Variants in SAMMSON observed in about 807,000 individuals in gnomAD.
SAMMSON encodes the protein survival associated mitochondrial melanoma specific oncogenic non-coding RNA.
intron 6 of SAMMSON, among the ~76,000 whole-genome samples, chr3:70,258,691 G>T (rs1268912800): frequency 6.6e-6 from 1 of 152,106 alleles, no homozygotes; most frequent in African/African-American, 2.4e-5. Context: ...AAAGCTTTAT[G>T]TATAAGAATG....
rs1215756574 is a variant in SAMMSON, at chr3:70,213,191, T to A, written n.508-35916T>A. Among the ~76,000 whole-genome samples the A allele has an allele frequency of 3.9e-5, 6 of 152,076 alleles. No homozygotes were observed. The East Asian group carries it at 1.2e-3, about 29-fold the overall frequency. Reference sequence around the variant, plus strand: ...TTCTTGATATGTTCCCAGGCTGGACTAGAGCTCCTGGGCTCAAGTGATCCT... The same window carrying A: ...TTCTTGATATGTTCCCAGGCTGGACAAGAGCTCCTGGGCTCAAGTGATCCT... On this transcript the variant is annotated intron_variant and non_coding_transcript_variant, in intron 4 of 9. Transcript: ENST00000642114.
At chr3:70,170,027 C>G (rs187072345) in intron 4 of SAMMSON, among the ~76,000 whole-genome samples, 11 of 152,016 alleles carry the variant, frequency 7.2e-5, no homozygotes, top group Admixed American at 2.0e-4. Context: ...GCCTTATTGC[C>G]TTTAGCCCTC....
chr3:70,246,586 G>T (rs1701709942), intron 4 of SAMMSON, among the ~76,000 whole-genome samples: 1 of 152,010 alleles, frequency 6.6e-6, no homozygotes, highest in Non-Finnish European at 1.5e-5. Context: ...GTATAAGGAT[G>T]TTCCATGAAA....
At chr3:70,394,760 G>A (rs1189073052), downstream of SAMMSON, among the ~76,000 whole-genome samples, 1 of 152,028 alleles carries the variant, frequency 6.6e-6, no homozygotes. Flanking sequence ...TTCAGACATC[G>A]ACATCAATCC....
At position 70,015,536 on chromosome 3, in the gene SAMMSON, C is replaced by T. The variant is rs80307857; in HGVS notation, n.417+1864C>T. ...TAGAAATTTGCATTGTTGACATTTC[C>T]TGTCATCAGGTCTTACTTGAGGTGT... On this transcript the variant is annotated intron_variant and non_coding_transcript_variant, in intron 3 of 9. Coordinates refer to ENST00000642114, the Ensembl canonical transcript of SAMMSON. Among the ~76,000 whole-genome samples, 1,042 of 152,072 alleles carry T rather than the reference C, an allele frequency of 6.9e-3. 30 individuals carry two copies. The highest frequency in any genetic ancestry group is 0.063 in the East Asian group (326 of 5,176).
intron 7 of SAMMSON, among the ~76,000 whole-genome samples, chr3:70,307,651 G>T (rs115468603): frequency 2.9e-3 from 438 of 152,012 alleles, no homozygotes; most frequent in African/African-American, 0.01. Flanking sequence ...TGTATTAGCC[G>T]TCACCACCCC....
chr3:70,397,506 T>C (rs1382050087), intron 2 of SAMMSON, among the ~76,000 whole-genome samples: 1 of 152,132 alleles, frequency 6.6e-6, no homozygotes, highest in Non-Finnish European at 1.5e-5. Flanking sequence ...ATTTTTAACA[T>C]TTGGTGAATG....
At chr3:70,085,609 C>T (rs1259911345) in intron 4 of SAMMSON, among the ~76,000 whole-genome samples, 1 of 152,186 alleles carries the variant, frequency 6.6e-6, no homozygotes, top group Non-Finnish European at 1.5e-5. Context: ...GGAAGTCACT[C>T]TTCCTCCCAA....
At chr3:70,232,542 G>A (rs1701570465) in intron 4 of SAMMSON, among the ~76,000 whole-genome samples, 1 of 152,006 alleles carries the variant, frequency 6.6e-6, no homozygotes, top group Non-Finnish European at 1.5e-5. Context: ...TGGGATTACA[G>A]GTGCCCGCCA....
At chr3:70,120,314 T>G (rs1485334936) in intron 4 of SAMMSON, 1 of 152,220 alleles carries the variant, frequency 6.6e-6, no homozygotes, top group Non-Finnish European at 1.5e-5. Flanking sequence ...ATTTGGTGAT[T>G]AGCATTTTAG....
chr3:70,062,429 C>A (rs191854822), intron 3 of SAMMSON, among the ~76,000 whole-genome samples: 3 of 152,194 alleles, frequency 2.0e-5, no homozygotes, highest in Admixed American at 1.3e-4. Context: ...TGCTCATTTT[C>A]TATCCTCTCC....
intron 3 of SAMMSON, among the ~76,000 whole-genome samples, chr3:70,051,046 G>T (rs2067143808): frequency 7.0e-6 from 1 of 142,368 alleles, no homozygotes. Flanking sequence ...AGAGGCAGGA[G>T]ATTGCTTGAA....
At chr3:70,224,991 TGA>T (rs1701490233) in intron 4 of SAMMSON, among the ~76,000 whole-genome samples, 1 of 152,154 alleles carries the variant, frequency 6.6e-6, no homozygotes, top group African/African-American at 2.4e-5. Flanking sequence ...ATAGGTGACA[TGA>T]CAATGTTGAT....
At chr3:70,230,349 G>C (rs1701546184) in intron 4 of SAMMSON, among the ~76,000 whole-genome samples, 1 of 152,146 alleles carries the variant, frequency 6.6e-6, no homozygotes, top group East Asian at 1.9e-4. Context: ...CATAGCAATA[G>C]AAATTTTTTT....
At chr3:70,263,021 TA>T (rs1043790808) in intron 6 of SAMMSON, among the ~76,000 whole-genome samples, 5 of 152,214 alleles carry the variant, frequency 3.3e-5, no homozygotes, top group Non-Finnish European at 5.9e-5. Context: ...TGCATTTCTC[TA>T]AAAATTTTAT....
At chr3:70,010,526 A>G (rs568361079) in intron 1 of SAMMSON, among the ~76,000 whole-genome samples, 47 of 152,122 alleles carry the variant, frequency 3.1e-4, no homozygotes, top group African/African-American at 1.1e-3. Context: ...GGGAAGATGG[A>G]TGCTATTTTC....
chr3:70,380,675 A>G (rs1336043060), intron 9 of SAMMSON, among the ~76,000 whole-genome samples: 1 of 151,934 alleles, frequency 6.6e-6, no homozygotes, highest in African/African-American at 2.4e-5. Flanking sequence ...TATATCTCCT[A>G]ATGCTATCCC....
intron 4 of SAMMSON, among the ~76,000 whole-genome samples, chr3:70,209,486 T>C (rs1360484892): frequency 6.6e-6 from 1 of 152,054 alleles, no homozygotes; most frequent in Non-Finnish European, 1.5e-5. Context: ...GAGGTAGATA[T>C]TGTTAGCCTC....
In SAMMSON at chr3:70,187,427, C is replaced by CTTTTTT. The variant is rs928465556; in HGVS notation, n.508-61657_508-61652dup. 3.3e-4 allele frequency among the ~76,000 whole-genome samples: 24 copies of CTTTTTT among 73,152 alleles called. 1 individual carries two copies. The highest frequency in any genetic ancestry group is 3.9e-4 in the African/African-American group (6 of 15,428). 48.0% of individuals were successfully genotyped at this position (73,152 alleles called of 152,430 possible). A position where few individuals can be genotyped will look rare whatever the true frequency, so the allele number is the denominator to read the frequency against. ...GCATGAGACAGCTCTGGGACCAACT[C>CTTTTTT]TTTTTTTTTTTTTTTTTTTTTTTTT... On this transcript the variant is annotated intron_variant and non_coding_transcript_variant, in intron 4 of 9. Transcript: ENST00000642114.
Sources: gnomAD v4.1 joint callset for allele counts (sites outside exome capture counted in the v4.1 genomes callset) on GRCh38, gnomAD v4.1.1 for gene constraint, MANE v1.5 for transcripts, NCBI Gene and HGNC (gene_info 2026-07-23, HGNC 2026-07-21) for gene names.